Variants in DOK6 observed in about 807,000 individuals in gnomAD.
DOK6 encodes the protein downstream of tyrosine kinase 6.
In DOK6, 22 loss-of-function variants were observed where a neutral mutation model predicts 44.0. The ratio of observed to expected loss-of-function variants is 0.50; its 90% confidence interval spans 0.36 to 0.71. The LOEUF (loss-of-function observed/expected upper bound fraction) is 0.71, where lower values mean the gene tolerates loss of function less well. DOK6 is among the 30% of genes least tolerant of loss of function. The pLI is 0.00. For missense variants in DOK6, 340 were observed against 416.4 expected, an observed-to-expected ratio of 0.82 and a Z score of 1.60; for synonymous variants, 166 against 145.5, an observed-to-expected ratio of 1.14 and a Z score of -1.01.
intron 3 of DOK6, among the ~76,000 whole-genome samples, chr18:69,611,330 G>A (rs1984133861): frequency 1.3e-5 from 2 of 152,156 alleles, no homozygotes; most frequent in South Asian, 4.1e-4. Flanking sequence ...GGATGCAGAA[G>A]AACTAGATCT....
intron 1 of DOK6, among the ~76,000 whole-genome samples, chr18:69,414,880 G>T (rs1050221937): frequency 1.3e-5 from 2 of 152,088 alleles, no homozygotes; most frequent in African/African-American, 4.8e-5. Context: ...AAGCCATCCA[G>T]TGGGGCACAA....
rs553908331 is a variant in DOK6 at position 69,723,074 on chromosome 18, A to G, written c.600-15891A>G. Among the ~76,000 whole-genome samples, 8 of 152,320 alleles carry G rather than the reference A, an allele frequency of 5.3e-5. No homozygotes were observed. The East Asian group carries it at 1.4e-3, about 26-fold the overall frequency. On this transcript the variant is annotated intron_variant, in intron 5 of 7. Transcript: ENST00000382713. ...ATCCTAATCAACTATAAGTATTTTT[A>G]TATTGCATTTATATTAAATATGCCG...
intron 2 of DOK6, among the ~76,000 whole-genome samples, chr18:69,575,439 T>C (rs1043216361): frequency 2.0e-5 from 3 of 152,108 alleles, no homozygotes; most frequent in Non-Finnish European, 4.4e-5. Context: ...AGCAGATCCA[T>C]GCAAAATTAA....
intron 3 of DOK6, among the ~76,000 whole-genome samples, chr18:69,610,145 G>A (rs183692614): frequency 1.3e-5 from 2 of 152,136 alleles, no homozygotes; most frequent in Non-Finnish European, 2.9e-5. Context: ...AGAAGGTAGA[G>A]CTCATGTTAA....
chr18:69,767,248 A>T (rs1979745661), intron 7 of DOK6, among the ~76,000 whole-genome samples: 1 of 152,122 alleles, frequency 6.6e-6, no homozygotes, highest in Admixed American at 6.6e-5. Flanking sequence ...GAAAAAAAAA[A>T]TCTAGCTTTA....
chr18:69,522,503 A>G (rs555637726), intron 1 of DOK6, among the ~76,000 whole-genome samples: 1 of 152,152 alleles, frequency 6.6e-6, no homozygotes, highest in East Asian at 1.9e-4. Context: ...GAGTCTTTAC[A>G]TACTTATGGA....
At chr18:69,459,187 T>TGTG (rs1979718642) in intron 1 of DOK6, among the ~76,000 whole-genome samples, 2 of 136,972 alleles carry the variant, frequency 1.5e-5, no homozygotes, top group Admixed American at 7.4e-5. Flanking sequence ...AAAAAATATT[T>TGTG]TGTGTGTGTG....
chr18:69,608,816 G>T (rs906865488), intron 3 of DOK6, among the ~76,000 whole-genome samples: 6 of 152,060 alleles, frequency 3.9e-5, no homozygotes, highest in Admixed American at 2.0e-4. Context: ...TGGGCGTGGT[G>T]GCAGGCGCCT....
At chr18:69,617,671 AAAG>A (rs751949306) in intron 3 of DOK6, among the ~76,000 whole-genome samples, 64 of 91,712 alleles carry the variant, frequency 7.0e-4, no homozygotes, top group Non-Finnish European at 9.3e-4. Flanking sequence ...CGATAAGAGA[AAAG>A]AAGAAAAAGA....
chr18:69,669,899 G>C (rs1223936048), intron 3 of DOK6, among the ~76,000 whole-genome samples: 1 of 152,038 alleles, frequency 6.6e-6, no homozygotes, highest in African/African-American at 2.4e-5. Flanking sequence ...CTATTAGAAA[G>C]GAATAAAATA....
rs1342384814 is a variant in DOK6, at chr18:69,818,331, AC to A, written c.857-22909del. On this transcript the variant is annotated intron_variant, in intron 7 of 7. Transcript: ENST00000382713. The stretch of plus-strand genomic sequence containing the variant: ...ATGGCTGAGTTTGTTCTCCGTGGAC[AC>A]CCCTGTGCACCAGGCATGGTTCAGG... Among the ~76,000 whole-genome samples the A allele has an allele frequency of 3.3e-5, 5 of 152,260 alleles. No homozygotes were observed. In the East Asian group the frequency reaches 9.7e-4, roughly 29 times the overall value.
chr18:69,519,777 A>G (rs956973914), intron 1 of DOK6, among the ~76,000 whole-genome samples: 2 of 151,890 alleles, frequency 1.3e-5, no homozygotes, highest in Admixed American at 1.3e-4. Context: ...ATGACTGGTA[A>G]GTCACATATG....
intron 7 of DOK6, among the ~76,000 whole-genome samples, chr18:69,835,618 C>G (rs1259656335): frequency 1.3e-5 from 2 of 152,198 alleles, no homozygotes; most frequent in African/African-American, 4.8e-5. Context: ...CATCTGCAGC[C>G]TGCCCGCTCC....
At chr18:69,562,787 A>G (rs1362635337) in intron 1 of DOK6, among the ~76,000 whole-genome samples, 1 of 152,232 alleles carries the variant, frequency 6.6e-6, no homozygotes, top group Non-Finnish European at 1.5e-5. Context: ...AACAAAAGCC[A>G]AAATTGACAA....
intron 2 of DOK6, among the ~76,000 whole-genome samples, chr18:69,565,945 T>C (rs1982966719): frequency 6.6e-6 from 1 of 152,170 alleles, no homozygotes; most frequent in Admixed American, 6.5e-5. Flanking sequence ...AAACCTAACT[T>C]AATGAGGAAC....
chr18:69,553,183 C>T (rs775104634), intron 1 of DOK6, among the ~76,000 whole-genome samples: 2 of 152,080 alleles, frequency 1.3e-5, no homozygotes, highest in Non-Finnish European at 2.9e-5. Context: ...TATTTCTGTT[C>T]GTAAGTCAAT....
At chr18:69,813,865 G>A (rs961621837) in intron 7 of DOK6, among the ~76,000 whole-genome samples, 4 of 152,090 alleles carry the variant, frequency 2.6e-5, no homozygotes, top group Non-Finnish European at 4.4e-5. Flanking sequence ...CAGTTTTTCC[G>A]AGTGCTAAGT....
chr18:69,451,748 A>G (rs1979473023), intron 1 of DOK6, among the ~76,000 whole-genome samples: 1 of 124,308 alleles, frequency 8.0e-6, no homozygotes, highest in African/African-American at 3.1e-5. Context: ...AGAACTCAGG[A>G]TTAAGAGTCT....
chr18:69,630,173 C>T (rs969793295), intron 3 of DOK6, among the ~76,000 whole-genome samples: 1 of 152,136 alleles, frequency 6.6e-6, no homozygotes. Flanking sequence ...TATAAGCCCA[C>T]CCTGTACACA....
Sources: gnomAD v4.1 joint callset for allele counts (sites outside exome capture counted in the v4.1 genomes callset) on GRCh38, gnomAD v4.1.1 for gene constraint, MANE v1.5 for transcripts, NCBI Gene and HGNC (gene_info 2026-07-23, HGNC 2026-07-21) for gene names.